Variants in INPP4B observed in about 807,000 individuals in gnomAD.
INPP4B encodes the protein inositol polyphosphate-4-phosphatase type II B.
INPP4B carries 55 observed loss-of-function variants against 122.5 expected under a neutral mutation model. The ratio of observed to expected loss-of-function variants is 0.45; its 90% CI spans 0.36 to 0.56. INPP4B has a LOEUF of 0.56. Ranked by LOEUF, INPP4B falls within the 20% of genes least tolerant of loss-of-function variation. The pLI is 0.00. For synonymous variants in INPP4B, 403 were observed against 388.7 expected (o/e 1.04, Z -0.43); for missense variants, 1,000 against 1,097.7 (o/e 0.91, Z 1.26).
intron 1 of INPP4B, among the ~76,000 whole-genome samples, chr4:142,777,658 T>C (rs1250340572): frequency 1.3e-5 from 2 of 152,132 alleles, no homozygotes; most frequent in African/African-American, 4.8e-5. Flanking sequence ...AAAACTGATA[T>C]AATGCATCAA....
chr4:142,431,221 C>T lies in INPP4B; in HGVS notation c.39G>A (p.Gln13=). The T allele has an allele frequency of 1.2e-6, 2 of 1,613,376 alleles. No individual in the cohort carries two copies. Among genetic ancestry groups the T allele is most frequent in the Non-Finnish European group, 1.7e-6 (2 of 1,179,436 alleles). Residue 13 remains glutamine (Q), a synonymous_variant, in exon 4 of 26, where the codon CAG becomes CAA. Transcript: ENST00000262992. Reference sequence around the variant, plus strand: ...TGGCCTGGGCTGTAGGAAGAAAGTGCTGCCCTTCTTCTGATGCCCCTTCCT... The same window carrying T: ...TGGCCTGGGCTGTAGGAAGAAAGTGTTGCCCTTCTTCTGATGCCCCTTCCT... ...IKEEGASEEG[Q]HFLPTAQAND...
intron 12 of INPP4B, among the ~76,000 whole-genome samples, chr4:142,237,252 C>G (rs1857075927): frequency 6.6e-6 from 1 of 152,076 alleles, no homozygotes. Flanking sequence ...CTTCCAGAAA[C>G]AGCAACCATA....
chr4:142,450,563 T>C (rs1278821276), intron 3 of INPP4B, among the ~76,000 whole-genome samples: 2 of 152,234 alleles, frequency 1.3e-5, no homozygotes, highest in Non-Finnish European at 2.9e-5. Flanking sequence ...CACAGAGTTC[T>C]ATTTTTACTG....
At chr4:142,328,535 T>C (rs1342068393) in intron 7 of INPP4B, among the ~76,000 whole-genome samples, 2 of 152,184 alleles carry the variant, frequency 1.3e-5, no homozygotes, top group African/African-American at 4.8e-5. Flanking sequence ...TCACAAAAGA[T>C]TGAATACAGA....
intron 25 of INPP4B, among the ~76,000 whole-genome samples, chr4:142,038,367 A>C (rs977381512): frequency 7.9e-5 from 12 of 152,172 alleles, no homozygotes; most frequent in Non-Finnish European, 1.5e-4. Context: ...TATGTTAATC[A>C]CAGGAAAAGC....
chr4:142,129,368 G>C (rs372802895), intron 18 of INPP4B, among the ~76,000 whole-genome samples: 1 of 152,186 alleles, frequency 6.6e-6, no homozygotes, highest in East Asian at 1.9e-4. Context: ...ACCCAAATAA[G>C]GGTACCTATG....
intron 5 of INPP4B, among the ~76,000 whole-genome samples, chr4:142,421,252 T>A (rs968521676): frequency 6.6e-6 from 1 of 152,114 alleles, no homozygotes; most frequent in African/African-American, 2.4e-5. Flanking sequence ...CTGAAAAATA[T>A]CTCCTCAAAA....
At chr4:142,274,077 A>T (rs2150635826) in intron 9 of INPP4B, among the ~76,000 whole-genome samples, 1 of 151,974 alleles carries the variant, frequency 6.6e-6, no homozygotes, top group South Asian at 2.1e-4. Flanking sequence ...TAGGAAAAAA[A>T]ATTCTTAAAT....
At chr4:142,781,863 C>T (rs1360621394) in intron 1 of INPP4B, among the ~76,000 whole-genome samples, 1 of 151,748 alleles carries the variant, frequency 6.6e-6, no homozygotes, top group African/African-American at 2.4e-5. Context: ...AATCTAATTA[C>T]TGCCCTTTAA....
chr4:142,128,489 C>G (rs1799711143), intron 18 of INPP4B, among the ~76,000 whole-genome samples: 1 of 152,040 alleles, frequency 6.6e-6, no homozygotes, highest in Non-Finnish European at 1.5e-5. Flanking sequence ...GCCTCGCAGG[C>G]ACTAAGTGTG....
intron 25 of INPP4B, among the ~76,000 whole-genome samples, chr4:142,070,631 C>A (rs1194568622): frequency 6.6e-6 from 1 of 152,172 alleles, no homozygotes; most frequent in Non-Finnish European, 1.5e-5. Flanking sequence ...TAAGCAACTT[C>A]AGCAAAGTCT....
intron 7 of INPP4B, among the ~76,000 whole-genome samples, chr4:142,331,907 T>TG (rs201663701): frequency 0.035 from 721 of 20,748 alleles, 5 homozygotes; most frequent in African/African-American, 0.11. Context: ...ACCACAAAGC[T>TG]GGGGGGGTGG....
At chr4:142,806,783 GAAGGAAAGAAA>G (rs1561091196) in intron 1 of INPP4B, among the ~76,000 whole-genome samples, 7 of 65,902 alleles carry the variant, frequency 1.1e-4, no homozygotes, top group African/African-American at 3.9e-4. Context: ...AAGAAAGAAA[GAAGGAAAGAAA>G]GAAAGAAAGA....
chr4:142,429,248 T>G (rs536574986), intron 4 of INPP4B, 31 bp from the exon 5 acceptor site: 2 of 1,267,404 alleles, frequency 1.6e-6, no homozygotes, highest in African/African-American at 3.0e-5. Context: ...TTCAGATTTT[T>G]AAAAAATTGA....
At chr4:142,239,297 A>G (rs1858106171) in intron 11 of INPP4B, among the ~76,000 whole-genome samples, 1 of 152,132 alleles carries the variant, frequency 6.6e-6, no homozygotes, top group Non-Finnish European at 1.5e-5. Context: ...CTTCTAGTAC[A>G]TGTACATGCG....
intron 5 of INPP4B, chr4:142,426,430 TAA>T (rs1808066723): frequency 6.6e-6 from 1 of 151,934 alleles, no homozygotes; most frequent in Non-Finnish European, 1.5e-5. Flanking sequence ...TTTATGAAAA[TAA>T]AAAGAGTATT....
chr4:142,587,876 CT>C (rs1459852184), intron 2 of INPP4B, among the ~76,000 whole-genome samples: 1 of 151,816 alleles, frequency 6.6e-6, no homozygotes, highest in Non-Finnish European at 1.5e-5. Context: ...GATAGAGACA[CT>C]AGAAGAAAGG....
At chr4:142,364,863 GAA>G (rs1786839008) in intron 7 of INPP4B, among the ~76,000 whole-genome samples, 2 of 152,154 alleles carry the variant, frequency 1.3e-5, no homozygotes, top group African/African-American at 4.8e-5. Context: ...AATCAACAAA[GAA>G]AATTACAACA....
At chr4:142,564,232 A>T (rs1289965435) in intron 2 of INPP4B, among the ~76,000 whole-genome samples, 2 of 152,146 alleles carry the variant, frequency 1.3e-5, no homozygotes, top group East Asian at 3.9e-4. Flanking sequence ...TGAGGCTTGC[A>T]GTTTACCTGG....
Sources: gnomAD v4.1 joint callset for allele counts (sites outside exome capture counted in the v4.1 genomes callset) on GRCh38, gnomAD v4.1.1 for gene constraint, MANE v1.5 for transcripts, NCBI Gene and HGNC (gene_info 2026-07-23, HGNC 2026-07-21) for gene names.